SCN10A: variants seen among roughly 807,000 people sequenced by gnomAD.
SCN10A encodes the protein sodium channel protein type 10 subunit alpha.
SCN10A carries 162 observed loss-of-function variants against 170.7 expected under a neutral mutation model. That is an observed-to-expected ratio of 0.95 (90% CI 0.84 to 1.08). The LOEUF is 1.08. Ranked by LOEUF, SCN10A falls within the 50% of genes least tolerant of loss-of-function variation. The pLI, the probability that SCN10A is intolerant of heterozygous loss-of-function variation, is 0.00. For synonymous variants in SCN10A, 985 were observed against 904.6 expected (o/e 1.09, Z -1.59); for missense variants, 2,527 against 2,436.9 (o/e 1.04, Z -0.78).
intron 16 of SCN10A, 112 bp from the exon 17 acceptor site, chr3:38,727,164 G>C (rs967963683): frequency 2.8e-5 from 26 of 935,010 alleles, no homozygotes; most frequent in Non-Finnish European, 4.2e-5. Flanking sequence ...GCCTCTTCCT[G>C]CCCACCCGGG....
In SCN10A at chr3:38,769,239, C is replaced by CT. The variant is rs56406440; in HGVS notation, c.599+2039dup. 1.2e-3 allele frequency among the ~76,000 whole-genome samples: 129 copies of CT among 109,978 alleles called. 4 individuals carry two copies. The highest frequency in any genetic ancestry group is 4.1e-3 in the African/African-American group (117 of 28,744). The allele number at this position is 109,978 out of a possible 152,430, so 72.1% of individuals were successfully genotyped here. On this transcript the variant is annotated intron_variant, in intron 5 of 27. Transcript: ENST00000449082. ...CACTTAATAATCAGCCTTCTGAATTCTTTTTTTTTTTTTTTTGAGATGGAT... is the reference window on the plus strand; with the variant it reads ...CACTTAATAATCAGCCTTCTGAATTCTTTTTTTTTTTTTTTTTGAGATGGAT...
At chr3:38,711,043 G>A (rs1236975131) in intron 23 of SCN10A, 146 bp from the exon 24 acceptor site, 1 of 652,128 alleles carries the variant, frequency 1.5e-6, no homozygotes, top group Non-Finnish European at 2.7e-6. Flanking sequence ...AGTTCCCTTG[G>A]GTTACTTGAC....
chr3:38,815,759 G>A (rs1260064639), intron 1 of SCN10A, among the ~76,000 whole-genome samples: 1 of 152,158 alleles, frequency 6.6e-6, no homozygotes, highest in East Asian at 1.9e-4. Flanking sequence ...GTATAAACTT[G>A]ACGTTGATGT....
chr3:38,786,667 G>A (rs1049842961), intron 4 of SCN10A, among the ~76,000 whole-genome samples: 2 of 152,078 alleles, frequency 1.3e-5, no homozygotes, highest in African/African-American at 4.8e-5. Flanking sequence ...CACAAAGCAA[G>A]TGAGGTGTTG....
At chr3:38,730,615 GAAATA>G (rs1266355831) in intron 15 of SCN10A, among the ~76,000 whole-genome samples, 4 of 151,666 alleles carry the variant, frequency 2.6e-5, no homozygotes, top group Non-Finnish European at 5.9e-5. Context: ...ATATGTTAAA[GAAATA>G]AAATAATAAC....
chr3:38,793,436 C>T (rs1575183596), intron 2 of SCN10A, among the ~76,000 whole-genome samples: 1 of 152,200 alleles, frequency 6.6e-6, no homozygotes, highest in South Asian at 2.1e-4. Context: ...GCAAAGAGAC[C>T]CAACTCCTCT....
At chr3:38,773,325 A>C (rs2064032145) in intron 4 of SCN10A, among the ~76,000 whole-genome samples, 1 of 152,144 alleles carries the variant, frequency 6.6e-6, no homozygotes, top group Non-Finnish European at 1.5e-5. Flanking sequence ...TTACTAGAGG[A>C]TATGCTCCAT....
rs762099447 is a variant in SCN10A, at chr3:38,701,820, C to G, written c.4657+19G>C. On this transcript the variant is annotated intron_variant, in intron 27 of 27. Coordinates refer to ENST00000449082, the MANE Select transcript of SCN10A (RefSeq NM_006514.4). ...CCAAACAGAGGTGGGGCTTCCCCACCACGTGGCTGCCCACTTACTCGCAAT... is the reference window on the plus strand; with the variant it reads ...CCAAACAGAGGTGGGGCTTCCCCACGACGTGGCTGCCCACTTACTCGCAAT... 8 of 1,582,188 alleles carry G rather than the reference C, an allele frequency of 5.1e-6. No individual in the cohort carries two copies. The highest frequency in any genetic ancestry group is 6.9e-6 in the Non-Finnish European group (8 of 1,162,432).
intron 1 of SCN10A, among the ~76,000 whole-genome samples, chr3:38,809,418 G>A (rs1016133590): frequency 3.9e-5 from 6 of 152,234 alleles, no homozygotes; most frequent in Non-Finnish European, 8.8e-5. Context: ...TAGCCTGGAA[G>A]TGCCAGCGGA....
chr3:38,763,500 C>T lies in SCN10A; in HGVS notation c.691+5G>A. The T allele has an allele frequency of 6.2e-7, 1 of 1,609,880 alleles. No individual in the cohort carries two copies. The highest frequency in any genetic ancestry group is 8.5e-7 in the Non-Finnish European group (1 of 1,176,112). On this transcript the variant is annotated splice_donor_5th_base_variant and intron_variant, in intron 6 of 27. Transcript: ENST00000449082. The stretch of plus-strand genomic sequence containing the variant: ...CCAACATATGCTCTGTGAATAAATG[C>T]TCACCTGGGATCACAGAAACTGTTT...
intron 21 of SCN10A, among the ~76,000 whole-genome samples, chr3:38,714,539 A>G (rs1323971932): frequency 6.6e-6 from 1 of 152,178 alleles, no homozygotes; most frequent in Non-Finnish European, 1.5e-5. Flanking sequence ...TGGAAAGAAT[A>G]GTGGTTTGGG....
chr3:38,794,838 G>A (rs1261668608), intron 1 of SCN10A, among the ~76,000 whole-genome samples: 9 of 152,130 alleles, frequency 5.9e-5, no homozygotes, highest in Admixed American at 5.9e-4. Flanking sequence ...CTTGCAGTAA[G>A]CCAATGACCA....
At chr3:38,718,270 C>T (rs999655959) in intron 21 of SCN10A, among the ~76,000 whole-genome samples, 16 of 152,164 alleles carry the variant, frequency 1.1e-4, no homozygotes, top group Non-Finnish European at 1.9e-4. Flanking sequence ...ACCACAGAAC[C>T]GCAGGTGGGA....
chr3:38,714,502 G>T (rs2063310832), intron 21 of SCN10A, among the ~76,000 whole-genome samples: 1 of 152,170 alleles, frequency 6.6e-6, no homozygotes, highest in Non-Finnish European at 1.5e-5. Flanking sequence ...ATAGTAATCT[G>T]AATTATATTT....
chr3:38,788,870 G>A (rs1427248720), intron 4 of SCN10A, 86 bp downstream of exon 4: 3 of 814,906 alleles, frequency 3.7e-6, no homozygotes, highest in Non-Finnish European at 6.5e-6. Context: ...AGGCATGGCA[G>A]GATAAATAAA....
At position 38,787,386 on chromosome 3, in the gene SCN10A, C is replaced by G. The variant is rs2064220270; in HGVS notation, c.470+1570G>C. ...TTGTACCCAGCTACCTTACTATACT[C>G]TTTTATTAATTCTTACTGTTTATCT... On this transcript the variant is annotated intron_variant, in intron 4 of 27. Transcript: ENST00000449082. Among the ~76,000 whole-genome samples, 2 of 152,076 alleles carry G rather than the reference C, an allele frequency of 1.3e-5. 1 individual carries two copies. The highest frequency in any genetic ancestry group is 4.1e-4 in the South Asian group (2 of 4,826).
At chr3:38,780,735 C>A (rs1484225427) in intron 4 of SCN10A, among the ~76,000 whole-genome samples, 1 of 151,822 alleles carries the variant, frequency 6.6e-6, no homozygotes, top group Non-Finnish European at 1.5e-5. Context: ...AAAGCAAATT[C>A]GAGCGATTTT....
At chr3:38,744,778 T>A (rs2063669834) in intron 13 of SCN10A, among the ~76,000 whole-genome samples, 1 of 152,246 alleles carries the variant, frequency 6.6e-6, no homozygotes, top group Non-Finnish European at 1.5e-5. Flanking sequence ...TAATTTTTCA[T>A]TTTCCCAAGA....
intron 18 of SCN10A, among the ~76,000 whole-genome samples, chr3:38,724,844 C>T (rs997964143): frequency 6.6e-6 from 1 of 152,146 alleles, no homozygotes; most frequent in African/African-American, 2.4e-5. Context: ...GTAGGCATTA[C>T]CATTCAGTTT....
Sources: gnomAD v4.1 joint callset for allele counts (sites outside exome capture counted in the v4.1 genomes callset) on GRCh38, gnomAD v4.1.1 for gene constraint, MANE v1.5 for transcripts, NCBI Gene and HGNC (gene_info 2026-07-23, HGNC 2026-07-21) for gene names.